PCDHA1: variants seen among roughly 807,000 people sequenced by gnomAD.
PCDHA1 encodes protocadherin alpha 1.
In PCDHA1, 42 loss-of-function variants were observed where a neutral mutation model predicts 61.3. That is an observed-to-expected ratio of 0.69 (90% CI 0.54 to 0.89). The LOEUF is 0.89. Ranked by LOEUF, PCDHA1 falls within the 40% of genes least tolerant of loss-of-function variation. PCDHA1 has a pLI of 0.00. For synonymous variants in PCDHA1, 610 were observed against 553.8 expected (o/e 1.10, Z -1.43); for missense variants, 1,256 against 1,235.3 (o/e 1.02, Z -0.25).
intron 1 of PCDHA1, among the ~76,000 whole-genome samples, chr5:140,959,366 C>A (rs1257331462): frequency 1.3e-5 from 2 of 151,552 alleles, no homozygotes; most frequent in African/African-American, 4.8e-5. Flanking sequence ...TGAGTGAGAC[C>A]CTGTCTCAAA....
intron 1 of PCDHA1, among the ~76,000 whole-genome samples, chr5:140,911,032 A>G (rs2075293448): frequency 6.6e-6 from 1 of 152,092 alleles, no homozygotes; most frequent in African/African-American, 2.4e-5. Flanking sequence ...TTATAGGTCT[A>G]GAAGCAAACA....
At chr5:140,803,530 C>T (rs560711675) in intron 1 of PCDHA1, 32 of 1,614,252 alleles carry the variant, frequency 2.0e-5, no homozygotes, top group Non-Finnish European at 2.6e-5. Flanking sequence ...AGCCTTCCTC[C>T]TTGTCCAATT....
chr5:140,955,846 T>G (rs1256650141), intron 1 of PCDHA1, among the ~76,000 whole-genome samples: 1 of 152,218 alleles, frequency 6.6e-6, no homozygotes, highest in African/African-American at 2.4e-5. Context: ...GTCATTCTCC[T>G]TGAAGAGGTC....
intron 1 of PCDHA1, among the ~76,000 whole-genome samples, chr5:140,837,441 C>A (rs1199592642): frequency 6.6e-6 from 1 of 151,714 alleles, no homozygotes; most frequent in Admixed American, 6.6e-5. Flanking sequence ...AAATCTAGTA[C>A]GTAGTAAAAA....
At chr5:140,842,946 T>C (rs2150348496) in intron 1 of PCDHA1, 1 of 1,594,616 alleles carries the variant, frequency 6.3e-7, no homozygotes, top group Non-Finnish European at 8.6e-7. Flanking sequence ...GACGCGGGCG[T>C]GCCGCCTCTG....
At chr5:140,853,468 T>C in intron 1 of PCDHA1, 2 of 970,862 alleles carry the variant, frequency 2.1e-6, no homozygotes, top group African/African-American at 1.8e-5. Context: ...TATGCATCTG[T>C]AGTTAACATT....
chr5:140,884,734 C>A (rs1198575388), intron 1 of PCDHA1: 5 of 1,445,332 alleles, frequency 3.5e-6, no homozygotes, highest in Non-Finnish European at 4.6e-6. Flanking sequence ...TTTAAGACAT[C>A]TTTCCTGCCA....
chr5:140,864,333 AGT>A (rs1554158793), intron 1 of PCDHA1: 2 of 152,182 alleles, frequency 1.3e-5, no homozygotes, highest in African/African-American at 4.8e-5. Flanking sequence ...TAATTATTTG[AGT>A]TTAAAACATG....
chr5:140,890,915 G>A (rs1169684735), intron 1 of PCDHA1, among the ~76,000 whole-genome samples: 4 of 152,116 alleles, frequency 2.6e-5, no homozygotes, highest in African/African-American at 9.7e-5. Flanking sequence ...AGAATAATTT[G>A]AGAGTTTCCT....
At chr5:140,841,349 G>T in intron 1 of PCDHA1, 1 of 1,612,780 alleles carries the variant, frequency 6.2e-7, no homozygotes, top group Non-Finnish European at 8.5e-7. Flanking sequence ...AGGAGAGCTG[G>T]GATCCTGGCG....
intron 1 of PCDHA1, among the ~76,000 whole-genome samples, chr5:140,912,063 A>C (rs1458411803): frequency 6.6e-6 from 1 of 152,214 alleles, no homozygotes; most frequent in Non-Finnish European, 1.5e-5. Context: ...CTTGGAGTCC[A>C]ATGTTCAAGG....
chr5:140,965,999 A>T (rs1300275113), intron 1 of PCDHA1, among the ~76,000 whole-genome samples: 1 of 152,140 alleles, frequency 6.6e-6, no homozygotes, highest in Non-Finnish European at 1.5e-5. Context: ...AGTACTTAAG[A>T]GTGTCCAGGG....
intron 1 of PCDHA1, chr5:140,824,188 A>G: frequency 1.2e-6 from 2 of 1,604,144 alleles, no homozygotes; most frequent in Non-Finnish European, 1.7e-6. Context: ...TAAATGTCAC[A>G]TTCACCCACT....
chr5:140,841,843 T>A (rs1777535091), intron 1 of PCDHA1: 16 of 1,613,734 alleles, frequency 9.9e-6, no homozygotes, highest in Non-Finnish European at 1.4e-5. Context: ...GGCTTAGCTC[T>A]CATGATTACT....
intron 1 of PCDHA1, chr5:140,862,748 C>A: frequency 3.5e-6 from 2 of 577,558 alleles, no homozygotes; most frequent in East Asian, 9.5e-5. Context: ...TGGGTGCACG[C>A]GGAGAGCGGC....
chr5:140,870,107 T>C, intron 1 of PCDHA1: 1 of 1,613,786 alleles, frequency 6.2e-7, no homozygotes, highest in Admixed American at 1.7e-5. Flanking sequence ...CACTGTACAG[T>C]CTGGGTGGAA....
rs550994598 is a variant in PCDHA1 at position 140,786,629 on chromosome 5, G to C, written c.339G>C (p.Pro113=). 1.9e-6 allele frequency: 3 copies of C among 1,614,252 alleles called. No individual in the cohort carries two copies. The highest frequency in any genetic ancestry group is 2.5e-6 in the Non-Finnish European group (3 of 1,180,042). The part of the protein sequence containing the change: ...SIHLELIADR[P]LQVFHVEVKV... Reference sequence around the variant, plus strand: ...ACCTGGAGTTGATCGCCGACAGGCCGCTGCAGGTTTTCCATGTGGAGGTGA... The same window carrying C: ...ACCTGGAGTTGATCGCCGACAGGCCCCTGCAGGTTTTCCATGTGGAGGTGA... Residue 113 remains proline, a synonymous_variant, in exon 1 of 4, where the codon CCG becomes CCC. Transcript: ENST00000504120.
chr5:140,841,145 T>C, intron 1 of PCDHA1: 1 of 756,386 alleles, frequency 1.3e-6, no homozygotes, highest in Non-Finnish European at 2.1e-6. Flanking sequence ...CCACATGATG[T>C]CGCTGTCTAC....
chr5:140,811,938 C>T (rs920175473), intron 1 of PCDHA1: 4 of 152,080 alleles, frequency 2.6e-5, no homozygotes, highest in Admixed American at 2.0e-4. Context: ...AATTTTCTCC[C>T]ATTCTGTAGG....
Sources: allele counts gnomAD v4.1 joint callset (sites outside exome capture counted in the v4.1 genomes callset), GRCh38; gene constraint gnomAD v4.1.1; transcripts MANE v1.5; gene names NCBI Gene and HGNC (gene_info 2026-07-23, HGNC 2026-07-21).